The following THSD4 variants were observed in gnomAD, a reference collection of about 807,000 sequenced individuals.
THSD4 encodes the protein thrombospondin type-1 domain-containing protein 4.
In THSD4, 69 loss-of-function variants were observed where a neutral mutation model predicts 119.0. The observed-to-expected ratio is 0.58, with a 90% confidence interval of 0.48 to 0.71. The LOEUF (loss-of-function observed/expected upper bound fraction) is 0.71. Ranked by LOEUF, THSD4 falls within the 30% of genes least tolerant of loss-of-function variation. The pLI is 0.00. For synonymous variants in THSD4, 524 were observed against 540.4 expected, an observed-to-expected ratio of 0.97 and a Z score of 0.42; for missense variants, 1,393 against 1,391.1, an observed-to-expected ratio of 1.00 and a Z score of -0.02.
intron 7 of THSD4, among the ~76,000 whole-genome samples, chr15:71,466,206 G>T (rs1455995991): frequency 6.6e-6 from 1 of 151,914 alleles, no homozygotes; most frequent in Non-Finnish European, 1.5e-5. Context: ...AAAAAAATTA[G>T]CTGGGCGTGG....
At chr15:71,291,630 G>A (rs2044792791) in intron 6 of THSD4, among the ~76,000 whole-genome samples, 1 of 152,160 alleles carries the variant, frequency 6.6e-6, no homozygotes. Context: ...GCTTTATTCA[G>A]TCTACTGATT....
intron 14 of THSD4, among the ~76,000 whole-genome samples, chr15:71,755,718 AAAAAAAAAAAAAAAAG>A (rs1315186279): frequency 6.7e-6 from 1 of 149,736 alleles, no homozygotes; most frequent in East Asian, 1.9e-4. Context: ...AAAAAAAAAA[AAAAAAAAAAAAAAAAG>A]ACAGGACACA....
At chr15:71,403,320 T>C (rs955221248) in intron 6 of THSD4, among the ~76,000 whole-genome samples, 3 of 152,206 alleles carry the variant, frequency 2.0e-5, no homozygotes, top group Non-Finnish European at 1.5e-5. Flanking sequence ...GATTGATAAT[T>C]TGACTAGATA....
chr15:71,462,771 G>A (rs2047446172), intron 7 of THSD4, among the ~76,000 whole-genome samples: 1 of 152,164 alleles, frequency 6.6e-6, no homozygotes, highest in African/African-American at 2.4e-5. Context: ...TCTCTTTAAA[G>A]TACAGTCTCC....
At chr15:71,709,505 G>T (rs886943923) in intron 8 of THSD4, among the ~76,000 whole-genome samples, 4 of 152,174 alleles carry the variant, frequency 2.6e-5, no homozygotes, top group Admixed American at 6.5e-5. Flanking sequence ...TACCTTCCAG[G>T]GGGGCTCCTC....
rs570439833 is a variant in THSD4 at position 71,354,315 on chromosome 15, A to G, written c.1016-57372A>G. On this transcript the variant is annotated intron_variant, in intron 6 of 17. Transcript: ENST00000261862. ...ATAAAGAAAAGAAAAGGGAGCTGAT[A>G]AAGGAGACTGAGGGGAGAGGCCAGG... Among the ~76,000 whole-genome samples, 134 of 152,316 alleles carry G rather than the reference A, an allele frequency of 8.8e-4. 4 individuals are homozygous for G. In the South Asian group the frequency reaches 0.026, roughly 30 times the overall value.
At chr15:71,340,610 T>C (rs966567451) in intron 6 of THSD4, among the ~76,000 whole-genome samples, 4 of 151,104 alleles carry the variant, frequency 2.6e-5, no homozygotes, top group Admixed American at 6.6e-5. Flanking sequence ...AGACTTTTTT[T>C]TTTTTTTTTT....
At chr15:71,264,220 C>T (rs2044438044) in intron 6 of THSD4, among the ~76,000 whole-genome samples, 1 of 152,256 alleles carries the variant, frequency 6.6e-6, no homozygotes, top group Non-Finnish European at 1.5e-5. Context: ...TCGTGTTTTA[C>T]TGAAGCGGCT....
intron 6 of THSD4, among the ~76,000 whole-genome samples, chr15:71,332,892 A>ATTTTTTTTTTTTTTTTTTT: frequency 0.071 from 5,451 of 76,566 alleles, 1,177 homozygotes; most frequent in East Asian, 0.19. Flanking sequence ...ATTTTTTTAC[A>ATTTTTTTTTTTTTTTTTTT]TTTTTTTTTT....
intron 6 of THSD4, among the ~76,000 whole-genome samples, chr15:71,405,269 T>C (rs2046590073): frequency 6.6e-6 from 1 of 152,254 alleles, no homozygotes; most frequent in South Asian, 2.1e-4. Flanking sequence ...TGAATAGTTA[T>C]GTACACATTT....
At chr15:71,326,700 A>AAATATATATATATATAT (rs1555464320) in intron 6 of THSD4, among the ~76,000 whole-genome samples, 2 of 6,454 alleles carry the variant, frequency 3.1e-4, no homozygotes, top group Non-Finnish European at 3.6e-4. Flanking sequence ...AAAAAAAAAA[A>AAATATATATATATATAT]ATATATATAT....
chr15:71,570,510 G>A (rs572876186), intron 7 of THSD4, among the ~76,000 whole-genome samples: 11 of 151,890 alleles, frequency 7.2e-5, no homozygotes, highest in Non-Finnish European at 1.2e-4. Context: ...GGGTTCAAGC[G>A]ATTCTCCTGC....
At chr15:71,298,126 G>A (rs1205904443) in intron 6 of THSD4, among the ~76,000 whole-genome samples, 3 of 152,178 alleles carry the variant, frequency 2.0e-5, no homozygotes, top group Admixed American at 6.5e-5. Flanking sequence ...TTTGTATATG[G>A]TGTAAGGTAG....
At chr15:71,677,189 G>C (rs1175491903) in intron 8 of THSD4, among the ~76,000 whole-genome samples, 1 of 152,208 alleles carries the variant, frequency 6.6e-6, no homozygotes, top group African/African-American at 2.4e-5. Context: ...ATGCTGCGCT[G>C]GGCTTTGTTA....
At chr15:71,444,023 A>G (rs1012535798) in intron 7 of THSD4, among the ~76,000 whole-genome samples, 3 of 152,202 alleles carry the variant, frequency 2.0e-5, no homozygotes, top group African/African-American at 4.8e-5. Context: ...TTCTGATCTA[A>G]TAGACCTTTT....
chr15:71,597,261 GT>G (rs1471779137), intron 7 of THSD4, among the ~76,000 whole-genome samples: 1 of 152,170 alleles, frequency 6.6e-6, no homozygotes, highest in African/African-American at 2.4e-5. Flanking sequence ...GCAAGAATAT[GT>G]GTAAGAACAG....
At chr15:71,342,338 T>C (rs564824580) in intron 6 of THSD4, 3 of 155,222 alleles carry the variant, frequency 1.9e-5, no homozygotes, top group African/African-American at 7.2e-5. Context: ...AAGAAAGAAA[T>C]GGGGGCTTGT....
upstream of THSD4, chr15:71,111,310 C>T: frequency 6.2e-7 from 1 of 1,613,956 alleles, no homozygotes; most frequent in Non-Finnish European, 8.5e-7. Flanking sequence ...TGCTCATGTC[C>T]TCAGAGCTGT....
intron 7 of THSD4, among the ~76,000 whole-genome samples, chr15:71,637,748 G>A (rs1464336831): frequency 2.0e-5 from 3 of 150,984 alleles, no homozygotes; most frequent in Non-Finnish European, 3.0e-5. Flanking sequence ...TTTTTGAGAC[G>A]GAGTTTAGCT....
Sources: allele counts gnomAD v4.1 joint callset (sites outside exome capture counted in the v4.1 genomes callset), GRCh38; gene constraint gnomAD v4.1.1; transcripts MANE v1.5; gene names NCBI Gene and HGNC (gene_info 2026-07-23, HGNC 2026-07-21).